Variants in ZMIZ1 observed in about 807,000 individuals in gnomAD.
The protein encoded by ZMIZ1 is zinc finger MIZ-type containing 1, also known as zinc finger MIZ domain-containing protein 1.
ZMIZ1 carries 17 observed loss-of-function variants against 113.9 expected under a neutral mutation model. That is an observed-to-expected ratio of 0.15 (90% confidence interval 0.10 to 0.22). The LOEUF is 0.22. Among genes scored for constraint, ZMIZ1 ranks in the 10% least tolerant of loss-of-function variants. The probability of loss-of-function intolerance (pLI) is 1.00; values close to 1 mark genes in which losing one functional copy is unlikely to be tolerated. For missense variants in ZMIZ1, 1,059 were observed against 1,477.8 expected (o/e 0.72, Z 4.65); for synonymous variants, 607 against 603.1 (o/e 1.01, Z -0.09).
At chr10:79,249,761 C>G (rs1227399826) in intron 7 of ZMIZ1, among the ~76,000 whole-genome samples, 1 of 152,170 alleles carries the variant, frequency 6.6e-6, no homozygotes, top group Non-Finnish European at 1.5e-5. Context: ...AGTGGTCACT[C>G]TGTGGCCCGC....
At chr10:79,103,381 G>C (rs1589274253) in intron 1 of ZMIZ1, among the ~76,000 whole-genome samples, 2 of 152,192 alleles carry the variant, frequency 1.3e-5, no homozygotes, top group African/African-American at 4.8e-5. Flanking sequence ...AGGAGGGGCT[G>C]TTGCCCCCAC....
At chr10:79,303,141 C>G (rs995349308) in intron 18 of ZMIZ1, among the ~76,000 whole-genome samples, 12 of 151,828 alleles carry the variant, frequency 7.9e-5, no homozygotes, top group African/African-American at 1.9e-4. Flanking sequence ...ATTACAGGCG[C>G]GAGCCACCAC....
At chr10:79,279,463 G>A (rs1564576794) in intron 8 of ZMIZ1, among the ~76,000 whole-genome samples, 1 of 151,080 alleles carries the variant, frequency 6.6e-6, no homozygotes, top group Admixed American at 6.6e-5. Flanking sequence ...GGGAAGAGGC[G>A]CTCCTCACTT....
At chr10:79,120,222 G>A (rs781094153) in intron 2 of ZMIZ1, among the ~76,000 whole-genome samples, 34 of 152,308 alleles carry the variant, frequency 2.2e-4, no homozygotes, top group Non-Finnish European at 3.8e-4. Context: ...GTACACAGAC[G>A]TCGCTTCTGC....
At chr10:79,267,362 A>T in intron 7 of ZMIZ1, among the ~76,000 whole-genome samples, 1 of 152,360 alleles carries the variant, frequency 6.6e-6, no homozygotes, top group African/African-American at 2.4e-5. Flanking sequence ...AATTTTCTAC[A>T]GTACTTAGGT....
At chr10:79,142,490 G>C (rs1845311272) in intron 3 of ZMIZ1, among the ~76,000 whole-genome samples, 1 of 152,210 alleles carries the variant, frequency 6.6e-6, no homozygotes, top group Admixed American at 6.5e-5. Flanking sequence ...CAGGCTCTGA[G>C]TGGACAAGCA....
intron 1 of ZMIZ1, among the ~76,000 whole-genome samples, chr10:79,108,027 C>T (rs1320465955): frequency 2.6e-5 from 4 of 152,286 alleles, no homozygotes; most frequent in East Asian, 3.9e-4. Flanking sequence ...ATAAAGAGCC[C>T]CTCCCAACAC....
chr10:79,073,838 C>G lies in ZMIZ1; in HGVS notation c.-337+4568C>G, dbSNP rs528375333. On this transcript the variant is annotated intron_variant, in intron 1 of 24. Transcript: ENST00000334512. ...TGCGTGATGAGGGCTGGGGTTGGGTCGGGCCCGGCATGGGTGCCACAGGTG... is the reference window on the plus strand; with the variant it reads ...TGCGTGATGAGGGCTGGGGTTGGGTGGGGCCCGGCATGGGTGCCACAGGTG... Among the ~76,000 whole-genome samples, 10 of 151,650 alleles carry G rather than the reference C, an allele frequency of 6.6e-5. No individual in the cohort carries two copies. In the South Asian group the frequency reaches 8.3e-4, roughly 13 times the overall value.
At chr10:79,260,509 G>A (rs893561055) in intron 7 of ZMIZ1, among the ~76,000 whole-genome samples, 1 of 152,214 alleles carries the variant, frequency 6.6e-6, no homozygotes, top group Non-Finnish European at 1.5e-5. Flanking sequence ...GTCTCTGGTA[G>A]GTGCCAAGGA....
At chr10:79,090,980 C>T (rs552503199) in intron 1 of ZMIZ1, among the ~76,000 whole-genome samples, 5 of 152,344 alleles carry the variant, frequency 3.3e-5, no homozygotes, top group Admixed American at 1.3e-4. Context: ...TAGAGGGCCC[C>T]GCCTTGGGGG....
At chr10:79,242,367 G>C (rs1849881299) in intron 7 of ZMIZ1, among the ~76,000 whole-genome samples, 2 of 152,044 alleles carry the variant, frequency 1.3e-5, no homozygotes, top group African/African-American at 4.8e-5. Context: ...GTCGGGGAGC[G>C]GGAGCGTACG....
intron 1 of ZMIZ1, among the ~76,000 whole-genome samples, chr10:79,109,188 C>T (rs758084551): frequency 4.6e-5 from 7 of 152,128 alleles, no homozygotes; most frequent in Non-Finnish European, 1.0e-4. Flanking sequence ...GATGTCTGTT[C>T]GCTGTCCTGT....
intron 23 of ZMIZ1, among the ~76,000 whole-genome samples, chr10:79,309,223 C>T (rs1349775068): frequency 1.3e-5 from 2 of 152,224 alleles, no homozygotes; most frequent in Non-Finnish European, 2.9e-5. Context: ...GGCGGGTTGA[C>T]AGGTGTGTCA....
At chr10:79,305,090 C>T in intron 19 of ZMIZ1, 74 bp from the exon 20 acceptor site, 1 of 1,551,848 alleles carries the variant, frequency 6.4e-7, no homozygotes, top group Non-Finnish European at 8.9e-7. Flanking sequence ...GAAGTTATTC[C>T]AAGGGTCCCT....
intron 3 of ZMIZ1, among the ~76,000 whole-genome samples, chr10:79,157,368 G>GGTTTGT (rs1554859153): frequency 4.7e-5 from 7 of 147,604 alleles, no homozygotes; most frequent in Non-Finnish European, 1.0e-4. Context: ...AGGCATAAGG[G>GGTTTGT]GTGTGTGTGT....
chr10:79,192,918 C>T (rs1270177392), intron 4 of ZMIZ1, among the ~76,000 whole-genome samples: 1 of 152,190 alleles, frequency 6.6e-6, no homozygotes, highest in Non-Finnish European at 1.5e-5. Context: ...CCGGAGCTGC[C>T]TCTTCCATCC....
At position 79,109,372 on chromosome 10, in the gene ZMIZ1, GTGCCCAGCGTGGCTGGGC is replaced by G. The variant is rs1334434176; in HGVS notation, c.-336-9537_-336-9520del. The stretch of plus-strand genomic sequence containing the variant: ...CATCCTTGCGTGCAACACACACCCG[GTGCCCAGCGTGGCTGGGC>G]TGCCCCCGCCTGATCATTAGGCTCA... On this transcript the variant is annotated intron_variant, in intron 1 of 24. Coordinates refer to ENST00000334512, the MANE Select transcript of ZMIZ1 (RefSeq NM_020338.4). Among the ~76,000 whole-genome samples the G allele has an allele frequency of 1.9e-4, 29 of 152,326 alleles. 1 individual carries two copies. The highest frequency in any genetic ancestry group is 1.7e-3 in the Admixed American group (26 of 15,308).
chr10:79,284,590 G>T (rs1000436761), intron 8 of ZMIZ1, among the ~76,000 whole-genome samples: 14 of 152,188 alleles, frequency 9.2e-5, no homozygotes, highest in African/African-American at 3.1e-4. Context: ...AAGTACAGTT[G>T]AGCAGGGTCT....
chr10:79,283,275 A>G lies in ZMIZ1; in HGVS notation c.425+5950A>G, dbSNP rs576967069. ...TAGCAGGTCGGGGAACAGGCCCTGG[A>G]GCCAGGCTGCTGGGCCTTGAGTTTC... On this transcript the variant is annotated intron_variant, in intron 8 of 24. Coordinates refer to ENST00000334512, the MANE Select transcript of ZMIZ1 (RefSeq NM_020338.4). Among the ~76,000 whole-genome samples the G allele has an allele frequency of 3.3e-5, 5 of 152,262 alleles. No homozygotes were observed. The East Asian group carries it at 7.7e-4, about 24-fold the overall frequency.
Sources: gnomAD v4.1 joint callset for allele counts (sites outside exome capture counted in the v4.1 genomes callset) on GRCh38, gnomAD v4.1.1 for gene constraint, MANE v1.5 for transcripts, NCBI Gene and HGNC (gene_info 2026-07-23, HGNC 2026-07-21) for gene names.